Variants in SLC25A38 observed in about 807,000 individuals in gnomAD.
The protein encoded by SLC25A38 is mitochondrial glycine transporter.
A neutral mutation model predicts 33.4 loss-of-function variants in SLC25A38; 27 were observed. The ratio of observed to expected loss-of-function variants is 0.81; its 90% confidence interval spans 0.60 to 1.11. The LOEUF is 1.11. Ranked by LOEUF, SLC25A38 falls within the 50% of genes most tolerant of loss-of-function variation. SLC25A38 has a pLI of 0.00. For synonymous variants in SLC25A38, 123 were observed against 145.9 expected (o/e 0.84, Z 1.13); for missense variants, 344 against 388.8 (o/e 0.88, Z 0.97).
chr3:39,384,460 T>C (rs1252208365), intron 1 of SLC25A38: 5 of 381,048 alleles, frequency 1.3e-5, no homozygotes, highest in Non-Finnish European at 2.3e-5. Context: ...CCACTGCAGC[T>C]GCCGCAGCTC....
At position 39,396,433 on chromosome 3, in the gene SLC25A38, C is replaced by T; in HGVS notation, c.828C>T (p.Ile276=). The change falls in exon 7 of 7, where the codon ATC becomes ATT. Residue 276 remains isoleucine, a synonymous_variant. Transcript: ENST00000650617. ...TACGTGGCTTCTTCCAAGGTGGCAT[C>T]CCCCGAGCCCTCCGCAGAACTCTAA... ...YGLRGFFQGG[I]PRALRRTLMA... 1 of 1,614,082 alleles carries T rather than the reference C, an allele frequency of 6.2e-7. No homozygotes were observed. Among genetic ancestry groups the T allele is most frequent in the Non-Finnish European group, 8.5e-7 (1 of 1,180,020 alleles).
At chr3:39,383,892 C>T in intron 1 of SLC25A38, 99 bp downstream of exon 1, 1 of 1,339,462 alleles carries the variant, frequency 7.5e-7, no homozygotes, top group Non-Finnish European at 1.1e-6. Context: ...TTTTCCGCGC[C>T]CCAGGGTGCG....
chr3:39,391,513 C>T lies in SLC25A38; in HGVS notation c.349C>T (p.Arg117Ter), dbSNP rs121918330. 2.0e-5 allele frequency: 33 copies of T among 1,614,062 alleles called. No homozygotes were observed. The highest frequency in any genetic ancestry group is 6.7e-5 in the Admixed American group (4 of 60,008). ...TLYSLKQYFL[R>*]GHPPTALESV... ...CTACTCTTTGAAGCAGTATTTCTTG[C>T]GAGGCCATCCCCCAACCGCCCTGGA... Residue 117 changes from arginine (R) to a stop codon, truncating the protein, a stop_gained, in exon 4 of 7, where the codon CGA becomes TGA. Transcript: ENST00000650617. LOFTEE classifies it high-confidence loss of function.
At chr3:39,383,921 G>A in intron 1 of SLC25A38, 128 bp downstream of exon 1, 1 of 1,049,326 alleles carries the variant, frequency 9.5e-7, no homozygotes, top group East Asian at 2.6e-5. Context: ...TTAGGATGCG[G>A]CGGGAGAGGA....
intron 4 of SLC25A38, 52 bp from the exon 5 acceptor site, chr3:39,391,801 G>A (rs897894830): frequency 1.2e-6 from 2 of 1,612,206 alleles, no homozygotes; most frequent in African/African-American, 2.7e-5. Flanking sequence ...CTTGTTCAGT[G>A]CTGAAATGCA....
chr3:39,385,288 C>CTGCTCTGTGCTAA (rs2041697594), intron 1 of SLC25A38, among the ~76,000 whole-genome samples: 1 of 151,994 alleles, frequency 6.6e-6, no homozygotes, highest in South Asian at 2.1e-4. Context: ...TGCTAATGGA[C>CTGCTCTGTGCTAA]TGGGAAAAGT....
chr3:39,383,696 G>A lies in SLC25A38; in HGVS notation c.-29G>A. 1 of 1,613,806 alleles carries A rather than the reference G, an allele frequency of 6.2e-7. No homozygotes were observed. The highest frequency in any genetic ancestry group is 8.5e-7 in the Non-Finnish European group (1 of 1,179,786). On this transcript the variant is annotated 5_prime_UTR_variant, in exon 1 of 7. Transcript: ENST00000650617. ...CAAGCGCCCGTCGACGGCACCCTGG[G>A]CCCAGAGGACTCGCGGGCCTCATCT...
chr3:39,393,565 T>C (rs1178501322), intron 5 of SLC25A38, among the ~76,000 whole-genome samples: 1 of 152,218 alleles, frequency 6.6e-6, no homozygotes, highest in African/African-American at 2.4e-5. Context: ...AGCAACGTGA[T>C]CTTGGTTCAC....
At chr3:39,388,767 A>AT (rs1409898324) in intron 1 of SLC25A38, among the ~76,000 whole-genome samples, 1 of 152,174 alleles carries the variant, frequency 6.6e-6, no homozygotes, top group Non-Finnish European at 1.5e-5. Context: ...CTGTCCTGTA[A>AT]TGATAGCACC....
chr3:39,385,823 A>G (rs936052585), intron 1 of SLC25A38, among the ~76,000 whole-genome samples: 1 of 152,194 alleles, frequency 6.6e-6, no homozygotes, highest in Non-Finnish European at 1.5e-5. Context: ...AGAAGCCGGA[A>G]GGAGAGGCAC....
intron 6 of SLC25A38, among the ~76,000 whole-genome samples, chr3:39,395,303 T>G (rs559559087): frequency 6.6e-6 from 1 of 152,304 alleles, no homozygotes; most frequent in South Asian, 2.1e-4. Flanking sequence ...CTGGGTGCGG[T>G]GGCTCATGCT....
At chr3:39,384,243 G>A (rs902133562) in intron 1 of SLC25A38, among the ~76,000 whole-genome samples, 4 of 152,228 alleles carry the variant, frequency 2.6e-5, no homozygotes, top group Admixed American at 2.6e-4. Flanking sequence ...CGGCCTACCT[G>A]GAGGGGCCAG....
rs759867221 is a variant in SLC25A38 at position 39,390,902 on chromosome 3, TAC to T, written c.276+398_276+399del. ...AGCCCAAACCCAAATCAGAAATCCATACACTGATTTCTCTATTATCCCAGTAA... is the reference window on the plus strand; with the variant it reads ...AGCCCAAACCCAAATCAGAAATCCATACTGATTTCTCTATTATCCCAGTAA... On this transcript the variant is annotated intron_variant, in intron 3 of 6. Transcript: ENST00000650617. 5.9e-5 allele frequency among the ~76,000 whole-genome samples: 9 copies of T among 152,356 alleles called. No individual in the cohort carries two copies. The East Asian group carries it at 1.7e-3, about 29-fold the overall frequency.
rs1252523629 is a variant in SLC25A38, at chr3:39,389,321, C to A, written c.70-174C>A. On this transcript the variant is annotated intron_variant, in intron 1 of 6. Transcript: ENST00000650617. This position sits in a 1 kb window ranked among gnomAD's most constrained non-coding sequence, Gnocchi z 4.5. ...GCATCCAATGTCCTCAATAACATTG[C>A]AGTATTTTTAATTTCTGGCTATACT... is the stretch of plus-strand genomic sequence containing the variant. 3 of 942,614 alleles carry A rather than the reference C, an allele frequency of 3.2e-6. No individual in the cohort carries two copies. The highest frequency in any genetic ancestry group is 5.0e-6 in the Non-Finnish European group (3 of 597,618). 58.4% of individuals were successfully genotyped at this position (942,614 alleles called of 1,614,324 possible).
rs1359053340 is a variant in SLC25A38 at position 39,396,838 on chromosome 3, C to G, written c.*318C>G. ...TCAGGTGGCTGCGCTTCAGCCCCACCCCTACACCACAGGGTCTCCTTGGGT... is the reference window on the plus strand; with the variant it reads ...TCAGGTGGCTGCGCTTCAGCCCCACGCCTACACCACAGGGTCTCCTTGGGT... On this transcript the variant is annotated 3_prime_UTR_variant, in exon 7 of 7. Coordinates refer to ENST00000650617, the MANE Select transcript of SLC25A38 (RefSeq NM_017875.4). 1.0e-5 allele frequency: 4 copies of G among 392,026 alleles called. No homozygotes were observed. Among genetic ancestry groups the G allele is most frequent in the Non-Finnish European group, 1.9e-5 (4 of 205,466 alleles). The allele number at this position is 392,026 out of a possible 1,614,324, so 24.3% of individuals were successfully genotyped here.
chr3:39,391,326 C>G, intron 3 of SLC25A38, 115 bp from the exon 4 acceptor site: 1 of 1,454,982 alleles, frequency 6.9e-7, no homozygotes, highest in South Asian at 1.1e-5. Flanking sequence ...CCTTCCACAC[C>G]TTAAACAAAG....
chr3:39,386,185 T>A (rs1286821306), intron 1 of SLC25A38, among the ~76,000 whole-genome samples: 1 of 152,236 alleles, frequency 6.6e-6, no homozygotes, highest in South Asian at 2.1e-4. Flanking sequence ...CATCTTTTTT[T>A]TTGGTCTTGT....
chr3:39,385,919 G>A (rs891649602), intron 1 of SLC25A38, among the ~76,000 whole-genome samples: 3 of 152,162 alleles, frequency 2.0e-5, no homozygotes, highest in East Asian at 1.9e-4. Flanking sequence ...AAAGTAAGGC[G>A]GAGTCCTCCA....
chr3:39,389,194 G>A lies in SLC25A38; in HGVS notation c.70-301G>A, dbSNP rs2041734163. Among the ~76,000 whole-genome samples, 1 of 152,180 alleles carries A rather than the reference G, an allele frequency of 6.6e-6. No individual in the cohort carries two copies. Among genetic ancestry groups the A allele is most frequent in the Non-Finnish European group, 1.5e-5 (1 of 68,038 alleles). On this transcript the variant is annotated intron_variant, in intron 1 of 6. Coordinates refer to ENST00000650617, the MANE Select transcript of SLC25A38 (RefSeq NM_017875.4). This position sits in a 1 kb window ranked among gnomAD's most constrained non-coding sequence, Gnocchi z 4.5. ...AGGGAGATGACCAGTAACTTTTTGA[G>A]TCAGAACAAATAGGGAAGAGTGGTC... is the stretch of plus-strand genomic sequence containing the variant.
Sources: allele counts gnomAD v4.1 joint callset (sites outside exome capture counted in the v4.1 genomes callset), GRCh38; gene constraint gnomAD v4.1.1; non-coding constraint Gnocchi (gnomAD v3.1); transcripts MANE v1.5; gene names NCBI Gene and HGNC (gene_info 2026-07-23, HGNC 2026-07-21).